The following VTI1A variants were observed in gnomAD, a reference collection of about 807,000 sequenced individuals.
The protein encoded by VTI1A is vesicle transport through interaction with t-SNAREs 1A.
VTI1A carries 22 observed loss-of-function variants against 34.9 expected under a neutral mutation model. The ratio of observed to expected loss-of-function variants is 0.63; its 90% confidence interval spans 0.45 to 0.90. The LOEUF (loss-of-function observed/expected upper bound fraction) is 0.90. Ranked by LOEUF, VTI1A falls within the 40% of genes least tolerant of loss-of-function variation. The pLI is 0.00. For synonymous variants in VTI1A, 87 were observed against 97.3 expected, an observed-to-expected ratio of 0.89 and a Z score of 0.62; for missense variants, 268 against 275.6, an observed-to-expected ratio of 0.97 and a Z score of 0.20.
chr10:112,504,824 TTAAC>T (rs1849372149), intron 3 of VTI1A, among the ~76,000 whole-genome samples: 1 of 152,170 alleles, frequency 6.6e-6, no homozygotes, highest in African/African-American at 2.4e-5. Context: ...TGAATATTGG[TTAAC>T]TAATAGGAGT....
intron 5 of VTI1A, among the ~76,000 whole-genome samples, chr10:112,597,168 C>G (rs150344961): frequency 6.6e-6 from 1 of 152,098 alleles, no homozygotes; most frequent in African/African-American, 2.4e-5. Flanking sequence ...TTTCCACTTA[C>G]GCTAACCTTT....
chr10:112,846,698 G>A, the VTI1A span, among the ~76,000 whole-genome samples: 14 of 151,598 alleles, frequency 9.2e-5, no homozygotes, highest in African/African-American at 1.2e-4. Context: ...CCCAGGAGGC[G>A]GAGCTTGCAG....
chr10:112,736,803 A>G, intron 7 of VTI1A: 2 of 1,396,510 alleles, frequency 1.4e-6, no homozygotes, highest in Non-Finnish European at 2.0e-6. Flanking sequence ...AAATTACTCA[A>G]ACACGTATTG....
chr10:112,647,827 T>C (rs1846861339), intron 5 of VTI1A, among the ~76,000 whole-genome samples: 1 of 152,208 alleles, frequency 6.6e-6, no homozygotes, highest in African/African-American at 2.4e-5. Flanking sequence ...TGGAGTGCAG[T>C]GGCGCAATCT....
chr10:112,651,086 T>A (rs930182533), intron 5 of VTI1A, among the ~76,000 whole-genome samples: 1 of 152,214 alleles, frequency 6.6e-6, no homozygotes, highest in Non-Finnish European at 1.5e-5. Flanking sequence ...TTAACCAACA[T>A]TTAAGGCCAC....
chr10:112,519,783 A>G (rs1849944092), intron 3 of VTI1A, among the ~76,000 whole-genome samples: 1 of 152,062 alleles, frequency 6.6e-6, no homozygotes, highest in East Asian at 1.9e-4. Flanking sequence ...CCTGATCTAG[A>G]TGAAACCTCA....
At chr10:112,811,114 C>T (rs1283543636) in intron 7 of VTI1A, among the ~76,000 whole-genome samples, 1 of 152,122 alleles carries the variant, frequency 6.6e-6, no homozygotes, top group Non-Finnish European at 1.5e-5. Context: ...AGTGACAACC[C>T]CCAGTCCTCA....
At chr10:112,819,932 ACCAGGCC>A (rs774646342), downstream of VTI1A, among the ~76,000 whole-genome samples, 1 of 152,192 alleles carries the variant, frequency 6.6e-6, no homozygotes, top group Non-Finnish European at 1.5e-5. Context: ...CCCCAGAGGG[ACCAGGCC>A]CCTTATGTAG....
At chr10:112,529,751 A>G (rs1188656543) in intron 4 of VTI1A, among the ~76,000 whole-genome samples, 3 of 152,152 alleles carry the variant, frequency 2.0e-5, no homozygotes, top group African/African-American at 7.2e-5. Flanking sequence ...GTTTAAAAAT[A>G]TAGATCAAAA....
At chr10:112,669,044 A>T (rs528278946) in intron 7 of VTI1A, 46 bp downstream of exon 7, 2 of 1,601,816 alleles carry the variant, frequency 1.2e-6, no homozygotes, top group African/African-American at 1.3e-5. Flanking sequence ...GTGTTTTTTT[A>T]AAATACTATG....
chr10:112,644,054 G>A (rs924048060), intron 5 of VTI1A, among the ~76,000 whole-genome samples: 1 of 152,080 alleles, frequency 6.6e-6, no homozygotes, highest in Non-Finnish European at 1.5e-5. Context: ...AGTGCATTCT[G>A]TTTGATGTCT....
intron 7 of VTI1A, among the ~76,000 whole-genome samples, chr10:112,680,631 A>C (rs911986339): frequency 1.3e-5 from 2 of 152,216 alleles, no homozygotes; most frequent in Non-Finnish European, 2.9e-5. Flanking sequence ...CTTAATATCT[A>C]ATTGGGAGCT....
At chr10:112,625,360 G>A (rs748033854) in intron 5 of VTI1A, among the ~76,000 whole-genome samples, 7 of 152,098 alleles carry the variant, frequency 4.6e-5, no homozygotes, top group African/African-American at 7.2e-5. Flanking sequence ...AAACCAGGCC[G>A]GGCGCGGCGG....
intron 3 of VTI1A, among the ~76,000 whole-genome samples, chr10:112,507,212 C>T (rs971049934): frequency 2.0e-5 from 3 of 152,146 alleles, no homozygotes; most frequent in Non-Finnish European, 4.4e-5. Context: ...TTCAGCATCA[C>T]TTAAGCTCCA....
chr10:112,699,353 C>T (rs1848909427), intron 7 of VTI1A, among the ~76,000 whole-genome samples: 3 of 152,210 alleles, frequency 2.0e-5, no homozygotes, highest in Admixed American at 2.0e-4. Flanking sequence ...GATCTGCTGT[C>T]TGGTAAGGAC....
At chr10:112,492,660 G>A (rs1446517832) in intron 3 of VTI1A, among the ~76,000 whole-genome samples, 1 of 151,970 alleles carries the variant, frequency 6.6e-6, no homozygotes, top group Non-Finnish European at 1.5e-5. Flanking sequence ...GGTGGAGAAT[G>A]CCTGTAATCC....
chr10:112,627,324 T>C (rs762437641), intron 5 of VTI1A, among the ~76,000 whole-genome samples: 6 of 152,180 alleles, frequency 3.9e-5, no homozygotes, highest in Non-Finnish European at 8.8e-5. Context: ...AGTTGAAAAC[T>C]AGAGATACCT....
At chr10:112,655,102 G>A (rs972051912) in intron 5 of VTI1A, among the ~76,000 whole-genome samples, 1 of 152,176 alleles carries the variant, frequency 6.6e-6, no homozygotes, top group Non-Finnish European at 1.5e-5. Context: ...GCAGCATCTG[G>A]ATACTTGATA....
At chr10:112,802,374 T>C (rs1852905158) in intron 7 of VTI1A, among the ~76,000 whole-genome samples, 1 of 152,164 alleles carries the variant, frequency 6.6e-6, no homozygotes, top group South Asian at 2.1e-4. Context: ...ATTATATAAA[T>C]AATGATCTGT....
Sources: gnomAD v4.1 joint callset for allele counts (sites outside exome capture counted in the v4.1 genomes callset) on GRCh38, gnomAD v4.1.1 for gene constraint, MANE v1.5 for transcripts, NCBI Gene and HGNC (gene_info 2026-07-23, HGNC 2026-07-21) for gene names.